PUDP: variants seen among roughly 807,000 people sequenced by gnomAD.
The protein encoded by PUDP is pseudouridine-5'-phosphatase.
Under a neutral mutation model 9.4 loss-of-function variants are expected in PUDP, and 8 were observed. That is an observed-to-expected ratio of 0.85 (90% CI 0.50 to 1.53). The LOEUF is 1.53. Ranked by LOEUF, PUDP falls within the 40% of genes most tolerant of loss-of-function variation. PUDP has a pLI of 0.00. For missense variants in PUDP, 188 were observed against 189.7 expected (o/e 0.99, Z 0.05); for synonymous variants, 99 against 80.7 (o/e 1.23, Z -1.22).
At chrX:6,854,340 A>G (rs1304959869) in intron 3 of PUDP, among the ~76,000 whole-genome samples, 1 of 112,122 alleles carries the variant, frequency 8.9e-6, no homozygotes, top group Non-Finnish European at 1.9e-5. Context: ...AAGAAAAAAA[A>G]TCTGCTAGAA....
At chrX:7,022,527 G>T (rs1185756792) in intron 1 of PUDP, among the ~76,000 whole-genome samples, 5 of 111,328 alleles carry the variant, frequency 4.5e-5, no homozygotes, top group African/African-American at 1.6e-4. Flanking sequence ...AAGGCGATGG[G>T]AGCAGTCAAG....
chrX:6,853,183 C>A (rs1926852643), intron 3 of PUDP, among the ~76,000 whole-genome samples: 1 of 111,455 alleles, frequency 9.0e-6, no homozygotes, highest in African/African-American at 3.3e-5. Flanking sequence ...CTTAGGCAAG[C>A]CCCCCTGTGC....
intron 3 of PUDP, among the ~76,000 whole-genome samples, chrX:6,956,588 G>A (rs1445113298): frequency 9.0e-6 from 1 of 111,559 alleles, no homozygotes; most frequent in East Asian, 2.8e-4. Context: ...TTTGCAGAAT[G>A]TTCTTAGCTT....
intron 3 of PUDP, among the ~76,000 whole-genome samples, chrX:6,936,937 C>A (rs1928312523): frequency 1.2e-5 from 1 of 86,889 alleles, no homozygotes; most frequent in Admixed American, 1.4e-4. Flanking sequence ...ATGTGAAGGA[C>A]CTCTTCAAGG....
chrX:7,125,062 C>A (rs779998711), intron 1 of PUDP, among the ~76,000 whole-genome samples: 1 of 108,892 alleles, frequency 9.2e-6, no homozygotes, highest in Non-Finnish European at 1.9e-5. Context: ...AACTTTTAAA[C>A]GTTTCATTCA....
At chrX:6,938,539 C>T (rs1342195447) in intron 3 of PUDP, among the ~76,000 whole-genome samples, 7 of 92,081 alleles carry the variant, frequency 7.6e-5, no homozygotes, top group African/African-American at 2.8e-4. Context: ...TGCTAGATGA[C>T]GAGTTAGTGG....
Position 6,813,635 on chromosome X carries a change from T to A in PUDP, c.*248-107169A>T, listed in dbSNP as rs1201421626. 5.4e-5 allele frequency among the ~76,000 whole-genome samples: 6 copies of A among 111,613 alleles called. No homozygotes were observed. In the South Asian group the frequency reaches 2.3e-3, roughly 42 times the overall value. On this transcript the variant is annotated intron_variant and NMD_transcript_variant, in intron 3 of 3. Transcript: ENST00000655425. ...ACTTGAGACTAATGCCCGAATCTCC[T>A]GCTTCTGATTTTTCCAGCAGCCAGT...
chrX:7,005,375 A>G (rs1929388171), intron 1 of PUDP, among the ~76,000 whole-genome samples: 1 of 110,436 alleles, frequency 9.1e-6, no homozygotes, highest in African/African-American at 3.3e-5. Flanking sequence ...TGGTGGTATT[A>G]TAAAATACAC....
chrX:6,741,903 T>C (rs1924944785), intron 3 of PUDP, among the ~76,000 whole-genome samples: 1 of 108,688 alleles, frequency 9.2e-6, no homozygotes, highest in Non-Finnish European at 1.9e-5. Flanking sequence ...TCGCCCAGGC[T>C]GGAGTGCAGT....
intron 1 of PUDP, among the ~76,000 whole-genome samples, chrX:7,128,617 G>A (rs1932541832): frequency 9.0e-6 from 1 of 111,093 alleles, no homozygotes; most frequent in African/African-American, 3.3e-5. Context: ...ATTCCAAGCT[G>A]GTACCCAAAC....
intron 1 of PUDP, among the ~76,000 whole-genome samples, chrX:7,020,098 G>A (rs1471745912): frequency 9.1e-6 from 1 of 110,497 alleles, no homozygotes; most frequent in Non-Finnish European, 1.9e-5. Context: ...ATGCTGGAGA[G>A]ATAGTGGGAA....
chrX:6,925,985 T>C (rs112492395), intron 3 of PUDP, among the ~76,000 whole-genome samples: 6,326 of 111,441 alleles, frequency 0.057, 298 homozygotes, highest in African/African-American at 0.16. Context: ...GTCAGTCTTA[T>C]GATCTGTATT....
At chrX:7,019,775 G>A (rs1929604045) in intron 1 of PUDP, among the ~76,000 whole-genome samples, 1 of 111,380 alleles carries the variant, frequency 9.0e-6, no homozygotes, top group Non-Finnish European at 1.9e-5. Context: ...ACCCTACGAT[G>A]CTCCCTGTGT....
chrX:6,888,325 T>C (rs7472850), intron 3 of PUDP, among the ~76,000 whole-genome samples: 10,193 of 109,907 alleles, frequency 0.093, 595 homozygotes, highest in East Asian at 0.46. Flanking sequence ...ATTGATCACA[T>C]GTACGTGAAC....
At chrX:7,025,235 C>G (rs966726798) in intron 1 of PUDP, among the ~76,000 whole-genome samples, 3 of 111,746 alleles carry the variant, frequency 2.7e-5, no homozygotes, top group Non-Finnish European at 5.6e-5. Context: ...TTCTTTCGGG[C>G]ATATTCAGGA....
chrX:6,934,640 T>A (rs1928264963), intron 3 of PUDP, among the ~76,000 whole-genome samples: 3 of 104,373 alleles, frequency 2.9e-5, no homozygotes, highest in Non-Finnish European at 5.9e-5. Context: ...CACTATTAAC[T>A]TTAAATGTAA....
At chrX:6,971,539 C>T (rs1484539355) in intron 3 of PUDP, among the ~76,000 whole-genome samples, 2 of 107,510 alleles carry the variant, frequency 1.9e-5, no homozygotes, top group Admixed American at 2.0e-4. Context: ...GCCTCAGCCT[C>T]CCAAGTAGCT....
At chrX:6,993,196 A>C (rs1929208996) in intron 1 of PUDP, among the ~76,000 whole-genome samples, 1 of 111,163 alleles carries the variant, frequency 9.0e-6, no homozygotes, top group Admixed American at 9.6e-5. Context: ...TCCCCTTTAT[A>C]TATACCTCTA....
In PUDP at chrX:7,050,565, C is replaced by T. The variant is rs1438138787; in HGVS notation, c.511-93G>A. The T allele has an allele frequency of 1.6e-5, 13 of 808,311 alleles. No homozygotes were observed. The East Asian group carries it at 4.5e-4, about 28-fold the overall frequency. The allele number at this position is 808,311 out of a possible 1,213,427, so 66.6% of individuals were successfully genotyped here. ...ATCGTCGTCACCATTGGCTCTGCAACTGTGCAGAAAGAGACAGAATTACAG... is the reference window on the plus strand; with the variant it reads ...ATCGTCGTCACCATTGGCTCTGCAATTGTGCAGAAAGAGACAGAATTACAG... On this transcript the variant is annotated intron_variant, in intron 3 of 3. Coordinates refer to ENST00000381077, the MANE Select transcript of PUDP (RefSeq NM_012080.5).
Sources: allele counts gnomAD v4.1 joint callset (sites outside exome capture counted in the v4.1 genomes callset), GRCh38; gene constraint gnomAD v4.1.1; transcripts MANE v1.5; gene names NCBI Gene and HGNC (gene_info 2026-07-23, HGNC 2026-07-21).